The following ALDH3A2 variants were observed in gnomAD, a reference collection of about 807,000 sequenced individuals.
ALDH3A2 encodes the protein aldehyde dehydrogenase 3 family member A2, also known as aldehyde dehydrogenase family 3 member A2.
A neutral mutation model predicts 51.3 loss-of-function variants in ALDH3A2; 36 were observed. The observed-to-expected ratio is 0.70, with a 90% CI of 0.54 to 0.93. The LOEUF (loss-of-function observed/expected upper bound fraction) is 0.93. ALDH3A2 is among the 40% of genes least tolerant of loss of function. The pLI, the probability that ALDH3A2 is intolerant of heterozygous loss-of-function variation, is 0.00. For missense variants in ALDH3A2, 552 were observed against 603.1 expected, an observed-to-expected ratio of 0.92 and a Z score of 0.89; for synonymous variants, 199 against 219.8, an observed-to-expected ratio of 0.91 and a Z score of 0.84.
chr17:19,658,306 T>C (rs889510314), intron 5 of ALDH3A2, among the ~76,000 whole-genome samples: 2 of 152,178 alleles, frequency 1.3e-5, no homozygotes, highest in Non-Finnish European at 2.9e-5. Context: ...ACTTACAGTA[T>C]ACCCTTTATA....
rs2085177201 is a variant in ALDH3A2, at chr17:19,675,582, C to G, written c.*10C>G. ...GGCAGAATATTACTGAAGAATGATC[C>G]TGTTCAACCTCCTAGTGCCTCTACT... On this transcript the variant is annotated 3_prime_UTR_variant, in exon 10 of 10. Coordinates refer to ENST00000176643, the MANE Select transcript of ALDH3A2 (RefSeq NM_000382.3). The G allele has an allele frequency of 6.2e-7, 1 of 1,612,102 alleles. No individual in the cohort carries two copies. The highest frequency in any genetic ancestry group is 8.5e-7 in the Non-Finnish European group (1 of 1,178,150).
intron 8 of ALDH3A2, among the ~76,000 whole-genome samples, chr17:19,669,929 C>T (rs952861818): frequency 3.9e-5 from 6 of 152,068 alleles, no homozygotes; most frequent in Admixed American, 2.0e-4. Context: ...TGTGAGCCAC[C>T]GTGCCCGGTC....
chr17:19,673,891 G>C (rs2085154879), intron 9 of ALDH3A2, among the ~76,000 whole-genome samples: 1 of 152,126 alleles, frequency 6.6e-6, no homozygotes, highest in Non-Finnish European at 1.5e-5. Context: ...CTGCGTCCAG[G>C]TGAAGCATAC....
At chr17:19,675,372 A>G in intron 9 of ALDH3A2, 186 bp from the exon 10 acceptor site, 1 of 657,014 alleles carries the variant, frequency 1.5e-6, no homozygotes, top group Non-Finnish European at 2.7e-6. Context: ...GAAGGGCATA[A>G]TCCTTTGGCC....
rs73310745 is a variant in ALDH3A2, at chr17:19,675,159, C to T, written c.1444-399C>T. On this transcript the variant is annotated intron_variant, in intron 9 of 9. Transcript: ENST00000176643. ...TCAATAGGAAGGATTAAATTCAGTA[C>T]TACTTTTGAATTTTAGAAACAAAAT... 447 of 183,148 alleles carry T rather than the reference C, an allele frequency of 2.4e-3. 5 individuals carry two copies. The highest frequency in any genetic ancestry group is 9.6e-3 in the African/African-American group (408 of 42,460). The allele number at this position is 183,148 out of a possible 1,614,324, so 11.3% of individuals were successfully genotyped here. A position where few individuals can be genotyped will look rare whatever the true frequency, so the allele number is the denominator to read the frequency against.
intron 1 of ALDH3A2, among the ~76,000 whole-genome samples, chr17:19,650,496 C>T (rs2152326104): frequency 6.6e-6 from 1 of 152,096 alleles, no homozygotes; most frequent in African/African-American, 2.4e-5. Context: ...CTCTTTCTCC[C>T]AGGCCGGACT....
intron 6 of ALDH3A2, 129 bp from the exon 7 acceptor site, chr17:19,663,204 T>C: frequency 9.1e-7 from 1 of 1,092,964 alleles, no homozygotes; most frequent in Non-Finnish European, 1.4e-6. Flanking sequence ...GTGCTCAGGA[T>C]TTTTCAATAG....
At chr17:19,657,186 A>T (rs1212318604) in intron 4 of ALDH3A2, among the ~76,000 whole-genome samples, 1 of 152,254 alleles carries the variant, frequency 6.6e-6, no homozygotes, top group Non-Finnish European at 1.5e-5. Context: ...CTTCCTAAGT[A>T]GAAATCCATT....
At chr17:19,649,387 T>C in intron 1 of ALDH3A2, 1 of 507,748 alleles carries the variant, frequency 2.0e-6, no homozygotes, top group South Asian at 2.9e-5. Context: ...CATTTGTGGT[T>C]CTTTTCCTTA....
Position 19,656,457 on chromosome 17 carries a change from C to T in ALDH3A2, c.563C>T (p.Ala188Val), listed in dbSNP as rs115977487. The change falls in exon 4 of 10, where the codon GCG becomes GTG. Residue 188 changes from alanine (A) to valine (V), a missense_variant. Coordinates refer to ENST00000176643, the MANE Select transcript of ALDH3A2 (RefSeq NM_000382.3). ...FDHIFYTGNT[A>V]VGKIVMEAAA... ...CACATTTTCTATACGGGAAACACTG[C>T]GGTTGGCAAAATTGTCATGGAAGCT... 2.2e-3 allele frequency: 3,551 copies of T among 1,614,066 alleles called. 62 individuals carry two copies. In the African/African-American group the frequency reaches 0.039, roughly 18 times the overall value.
chr17:19,653,831 C>A (rs546729243), intron 3 of ALDH3A2, among the ~76,000 whole-genome samples: 1 of 152,200 alleles, frequency 6.6e-6, no homozygotes, highest in Admixed American at 6.5e-5. Flanking sequence ...TGGCCCCACC[C>A]GCATCCTGCT....
chr17:19,671,726 A>G lies in ALDH3A2; in HGVS notation c.1213A>G (p.Ser405Gly). 6.2e-7 allele frequency: 1 copy of G among 1,613,310 alleles called. No individual in the cohort carries two copies. The highest frequency in any genetic ancestry group is 8.5e-7 in the Non-Finnish European group (1 of 1,179,250). Residue 405 changes from serine to glycine, a missense_variant, in exon 9 of 10, where the codon AGT becomes GGT. Physicochemically the swap from Ser to Gly is moderately conservative, Grantham distance 56 (BLOSUM62 0). Transcript: ENST00000176643. ...GTCTGTTCCCTTTATTTCAGGTTCC[A>G]GTGGGATGGGAGCTTATCACGGAAA... ...NSFPFGGVGS[S>G]GMGAYHGKHS...
Position 19,651,709 on chromosome 17 carries a change from C to G in ALDH3A2, c.316C>G (p.Leu106Val). Residue 106 changes from leucine to valine, a missense_variant, in exon 2 of 10, where the codon CTG becomes GTG. Transcript: ENST00000176643. Reference protein sequence around the residue: ...YIQPQPLGVVLIIGAWNYPFV... With the variant: ...YIQPQPLGVVVIIGAWNYPFV... ...TCAGCCACAGCCTCTGGGAGTGGTG[C>G]TGATAATCGGAGCTTGGAATTACCC... 1.2e-6 allele frequency: 2 copies of G among 1,614,202 alleles called. No individual in the cohort carries two copies. Among genetic ancestry groups the G allele is most frequent in the African/African-American group, 1.3e-5 (1 of 75,048 alleles).
intron 9 of ALDH3A2, chr17:19,674,827 T>C (rs7503517): frequency 0.21 from 31,224 of 152,226 alleles, 3,638 homozygotes; most frequent in East Asian, 0.39. Context: ...TTTACCTGAA[T>C]AGTCTATTTA....
chr17:19,659,382 A>T (rs183796159), intron 5 of ALDH3A2, among the ~76,000 whole-genome samples: 176 of 152,128 alleles, frequency 1.2e-3, no homozygotes, highest in African/African-American at 4.1e-3. Context: ...TACAAAAGAA[A>T]AAAAGGTTAG....
At chr17:19,664,243 A>G (rs1007680518) in intron 7 of ALDH3A2, among the ~76,000 whole-genome samples, 1 of 152,248 alleles carries the variant, frequency 6.6e-6, no homozygotes, top group African/African-American at 2.4e-5. Flanking sequence ...ATTTAAAACC[A>G]TGGATAATGT....
At chr17:19,658,807 C>A (rs909193605) in intron 5 of ALDH3A2, among the ~76,000 whole-genome samples, 2 of 151,088 alleles carry the variant, frequency 1.3e-5, no homozygotes, top group Non-Finnish European at 2.9e-5. Context: ...CTGAGTTCAG[C>A]AGTGGGTGAG....
At chr17:19,668,439 G>A (rs527859334) in intron 8 of ALDH3A2, among the ~76,000 whole-genome samples, 15 of 151,840 alleles carry the variant, frequency 9.9e-5, no homozygotes, top group Non-Finnish European at 1.9e-4. Flanking sequence ...GTAGAGATGG[G>A]GTCTCACCAT....
At chr17:19,650,283 CTT>C (rs574436717) in intron 1 of ALDH3A2, among the ~76,000 whole-genome samples, 2 of 143,594 alleles carry the variant, frequency 1.4e-5, no homozygotes, top group African/African-American at 2.5e-5. Context: ...AATATTGTTA[CTT>C]TTTTTTTTTT....
Sources: allele counts gnomAD v4.1 joint callset (sites outside exome capture counted in the v4.1 genomes callset), GRCh38; gene constraint gnomAD v4.1.1; transcripts MANE v1.5; gene names NCBI Gene and HGNC (gene_info 2026-07-23, HGNC 2026-07-21).